The following DOCK8 variants were observed in gnomAD, a reference collection of about 807,000 sequenced individuals.
DOCK8 encodes dedicator of cytokinesis 8.
DOCK8 carries 141 observed loss-of-function variants against 245.6 expected under a neutral mutation model. The ratio of observed to expected loss-of-function variants is 0.57; its 90% CI spans 0.50 to 0.66. DOCK8 has a LOEUF of 0.66. Among genes scored for constraint, DOCK8 ranks in the 30% least tolerant of loss-of-function variants. The pLI is 0.00. For synonymous variants in DOCK8, 1,168 were observed against 970.2 expected (o/e 1.20, Z -3.79); for missense variants, 2,965 against 2,603.4 (o/e 1.14, Z -3.02).
intron 46 of DOCK8, chr9:456,259 C>T (rs536018635): frequency 6.6e-6 from 1 of 152,336 alleles, no homozygotes; most frequent in African/African-American, 2.4e-5. Flanking sequence ...CAAGTCCAAT[C>T]TGGAAGTTAC....
intron 12 of DOCK8, among the ~76,000 whole-genome samples, chr9:338,619 G>A (rs557738743): frequency 2.1e-4 from 32 of 152,136 alleles, no homozygotes; most frequent in Non-Finnish European, 4.1e-4. Context: ...GAGATGGAAA[G>A]ATGCTTTCTC....
At chr9:423,238 A>C (rs180770491) in intron 33 of DOCK8, among the ~76,000 whole-genome samples, 1 of 152,326 alleles carries the variant, frequency 6.6e-6, no homozygotes, top group East Asian at 1.9e-4. Context: ...ATCAAAATCT[A>C]TGCTATAGAT....
intron 22 of DOCK8, among the ~76,000 whole-genome samples, chr9:385,818 CTTT>C (rs965229589): frequency 1.3e-5 from 2 of 152,090 alleles, no homozygotes; most frequent in African/African-American, 4.8e-5. Context: ...TTCTATTTTT[CTTT>C]AATAAAATGA....
chr9:355,396 G>A (rs1281130886), intron 14 of DOCK8, among the ~76,000 whole-genome samples: 3 of 151,900 alleles, frequency 2.0e-5, no homozygotes, highest in African/African-American at 7.2e-5. Context: ...TAGAGACTGG[G>A]TTTCACCTTG....
chr9:439,316 G>A lies in DOCK8; in HGVS notation c.5151G>A (p.Val1717=). ...EDTLSPDEDG[V]CAGQYFTESG... ...CCCTGTCACCTGACGAGGATGGGGT[G>A]TGCGCAGGCCAGTACTTCACCGAGA... is the stretch of plus-strand genomic sequence containing the variant. The change falls in exon 40 of 48, where the codon GTG becomes GTA. Residue 1717 remains valine, a synonymous_variant. Coordinates refer to ENST00000432829, the MANE Select transcript of DOCK8 (RefSeq NM_203447.4). The A allele has an allele frequency of 1.2e-6, 2 of 1,614,210 alleles. No individual in the cohort carries two copies. The highest frequency in any genetic ancestry group is 2.2e-5 in the East Asian group (1 of 44,876).
At chr9:289,606 T>C (rs2048959002) in intron 4 of DOCK8, 25 bp downstream of exon 4, 1 of 1,575,020 alleles carries the variant, frequency 6.3e-7, no homozygotes, top group African/African-American at 1.4e-5. Flanking sequence ...TTCCACTTTT[T>C]GTATATAAAT....
intron 28 of DOCK8, among the ~76,000 whole-genome samples, chr9:412,990 A>G (rs992486809): frequency 6.6e-6 from 1 of 152,110 alleles, no homozygotes; most frequent in Non-Finnish European, 1.5e-5. Flanking sequence ...TGGAGGACTC[A>G]CACTTCCCAA....
chr9:420,987 G>A lies in DOCK8; in HGVS notation c.4062G>A (p.Leu1354=), dbSNP rs2056252434. 2.5e-6 allele frequency: 4 copies of A among 1,614,204 alleles called. No homozygotes were observed. The highest frequency in any genetic ancestry group is 3.4e-6 in the Non-Finnish European group (4 of 1,180,040). Residue 1354 remains leucine, a synonymous_variant, in exon 32 of 48, where the codon CTG becomes CTA. Transcript: ENST00000432829. ...CTGACAAAGTCAGTACCCAAGTCCT[G>A]CAGAAGTCAAGGGATGTCAAGGCCC... ...QSSDKVSTQV[L]QKSRDVKARL...
chr9:355,494 G>A (rs1400639745), intron 14 of DOCK8, among the ~76,000 whole-genome samples: 1 of 151,884 alleles, frequency 6.6e-6, no homozygotes, highest in Non-Finnish European at 1.5e-5. Context: ...GAGCCACCGT[G>A]CCCAGCCCAG....
intron 14 of DOCK8, among the ~76,000 whole-genome samples, chr9:358,732 C>T (rs1480407338): frequency 6.7e-6 from 1 of 148,964 alleles, no homozygotes; most frequent in Non-Finnish European, 1.5e-5. Flanking sequence ...GCCTGTAGTC[C>T]CAGCTACTTG....
chr9:223,239 A>T (rs1425125859), intron 1 of DOCK8, among the ~76,000 whole-genome samples: 1 of 152,220 alleles, frequency 6.6e-6, no homozygotes, highest in Non-Finnish European at 1.5e-5. Flanking sequence ...AGAAGTTAAT[A>T]AACTCCACCG....
intron 26 of DOCK8, among the ~76,000 whole-genome samples, chr9:400,015 A>ACCACCTCCTTCACCATCACCACCT (rs2054693025): frequency 4.9e-5 from 4 of 81,524 alleles, no homozygotes; most frequent in Non-Finnish European, 1.1e-4. Context: ...CTCCACCATC[A>ACCACCTCCTTCACCATCACCACCT]CCACCACCTC....
chr9:398,814 CA>C lies in DOCK8; in HGVS notation c.3121-322del, dbSNP rs374885638. On this transcript the variant is annotated intron_variant, in intron 25 of 47. Transcript: ENST00000432829. ...TTGCCAAAAAAAAAGAAAATAGTTA[CA>C]AAAAAAAAAGTTACCAGGATATAAA... Among the ~76,000 whole-genome samples the C allele has an allele frequency of 0.054, 6,953 of 129,486 alleles. 180 individuals carry two copies. The highest frequency in any genetic ancestry group is 0.06 in the Non-Finnish European group (3,586 of 59,522). 84.9% of individuals were successfully genotyped at this position (129,486 alleles called of 152,430 possible).
intron 7 of DOCK8, 116 bp from the exon 8 acceptor site, chr9:325,555 C>A: frequency 1.1e-6 from 1 of 876,068 alleles, no homozygotes; most frequent in South Asian, 1.4e-5. Context: ...TGGAGTTTTC[C>A]AAATATTTCG....
At chr9:379,272 G>A (rs993449431) in intron 20 of DOCK8, among the ~76,000 whole-genome samples, 9 of 152,272 alleles carry the variant, frequency 5.9e-5, no homozygotes, top group Non-Finnish European at 7.3e-5. Flanking sequence ...GACTTGATAT[G>A]CAGACATTTT....
intron 1 of DOCK8, among the ~76,000 whole-genome samples, chr9:216,457 G>A (rs1338204899): frequency 6.7e-6 from 1 of 148,914 alleles, no homozygotes; most frequent in Non-Finnish European, 1.5e-5. Flanking sequence ...CATCGCTTGA[G>A]CCCAGGAGGA....
intron 26 of DOCK8, among the ~76,000 whole-genome samples, chr9:400,977 T>C (rs370339591): frequency 0.024 from 1,558 of 64,486 alleles, 88 homozygotes; most frequent in Non-Finnish European, 0.026. Flanking sequence ...TCCTCCACCA[T>C]CACCACCTCC....
chr9:409,814 C>G (rs13295042), intron 28 of DOCK8, among the ~76,000 whole-genome samples: 3 of 151,530 alleles, frequency 2.0e-5, no homozygotes, highest in Non-Finnish European at 4.4e-5. Flanking sequence ...TCTGTCCTTG[C>G]GATAGTTTGC....
chr9:365,980 T>C (rs2052974640), intron 14 of DOCK8: 1 of 215,626 alleles, frequency 4.6e-6, no homozygotes, highest in South Asian at 6.6e-5. Context: ...TGCCTCTGTT[T>C]AGACAGAGCA....
Sources: gnomAD v4.1 joint callset for allele counts (sites outside exome capture counted in the v4.1 genomes callset) on GRCh38, gnomAD v4.1.1 for gene constraint, MANE v1.5 for transcripts, NCBI Gene and HGNC (gene_info 2026-07-23, HGNC 2026-07-21) for gene names.